Variants in COL22A1 observed in about 807,000 individuals in gnomAD.
COL22A1 encodes collagen type XXII alpha 1 chain, also known as collagen alpha-1(XXII) chain.
In COL22A1, 221 loss-of-function variants were observed where a neutral mutation model predicts 248.9. The ratio of observed to expected loss-of-function variants is 0.89; its 90% CI spans 0.80 to 0.99. The LOEUF is 0.99. Ranked by LOEUF, COL22A1 falls within the 50% of genes least tolerant of loss-of-function variation. COL22A1 has a pLI of 0.00. For synonymous variants in COL22A1, 891 were observed against 793.4 expected (o/e 1.12, Z -2.07); for missense variants, 2,240 against 2,179.0 (o/e 1.03, Z -0.56).
intron 44 of COL22A1, among the ~76,000 whole-genome samples, chr8:138,659,688 C>T (rs2130657051): frequency 6.6e-6 from 1 of 152,292 alleles, no homozygotes; most frequent in African/African-American, 2.4e-5. Flanking sequence ...GCTTCTCTGG[C>T]ATTGGAAACT....
At chr8:138,764,181 G>A (rs1833739164) in intron 16 of COL22A1, among the ~76,000 whole-genome samples, 1 of 152,190 alleles carries the variant, frequency 6.6e-6, no homozygotes, top group South Asian at 2.1e-4. Flanking sequence ...CGCTGTGGGT[G>A]CCTGCCCACC....
At chr8:138,685,353 C>T (rs1219956315) in intron 37 of COL22A1, 41 bp from the exon 38 acceptor site, 8 of 1,539,318 alleles carry the variant, frequency 5.2e-6, no homozygotes, top group Non-Finnish European at 7.2e-6. Flanking sequence ...CAATTACACT[C>T]AGCACGAAGC....
chr8:138,786,708 A>T (rs1815555987), intron 12 of COL22A1, among the ~76,000 whole-genome samples: 1 of 152,278 alleles, frequency 6.6e-6, no homozygotes, highest in Non-Finnish European at 1.5e-5. Flanking sequence ...GTTTGAGACC[A>T]TCTCGGCCAA....
intron 3 of COL22A1, among the ~76,000 whole-genome samples, chr8:138,872,265 A>G (rs995345284): frequency 6.6e-6 from 1 of 152,184 alleles, no homozygotes; most frequent in Non-Finnish European, 1.5e-5. Flanking sequence ...AACTATGAAC[A>G]CATCCACAAC....
At chr8:138,683,221 A>G (rs1826091368) in intron 39 of COL22A1, among the ~76,000 whole-genome samples, 1 of 152,194 alleles carries the variant, frequency 6.6e-6, no homozygotes, top group Non-Finnish European at 1.5e-5. Context: ...GTCATCCCAC[A>G]GCTCACCTTA....
chr8:138,588,813 C>A lies in COL22A1; in HGVS notation c.*440G>T. On this transcript the variant is annotated 3_prime_UTR_variant, in exon 65 of 65. Coordinates refer to ENST00000303045, the MANE Select transcript of COL22A1 (RefSeq NM_152888.3). ...AGAATGAAGCCCATTGGCTCATTTTCTTAAAGTTTTTCTTTTGAAGAAAGA... is the reference window on the plus strand; with the variant it reads ...AGAATGAAGCCCATTGGCTCATTTTATTAAAGTTTTTCTTTTGAAGAAAGA... 6.5e-6 allele frequency: 1 copy of A among 153,784 alleles called. No homozygotes were observed. The allele number at this position is 153,784 out of a possible 1,614,324, so 9.5% of individuals were successfully genotyped here. A position where few individuals can be genotyped will look rare whatever the true frequency, so the allele number is the denominator to read the frequency against.
chr8:138,890,201 AAAAAT>A (rs765618663), intron 1 of COL22A1, among the ~76,000 whole-genome samples: 1 of 152,190 alleles, frequency 6.6e-6, no homozygotes, highest in Non-Finnish European at 1.5e-5. Context: ...TCATGATAAA[AAAAAT>A]AAAATAAGAC....
At position 138,832,701 on chromosome 8, in the gene COL22A1, C is replaced by G. The variant is rs571332937; in HGVS notation, c.845+338G>C. Among the ~76,000 whole-genome samples, 11 of 152,292 alleles carry G rather than the reference C, an allele frequency of 7.2e-5. No homozygotes were observed. In the East Asian group the frequency reaches 2.1e-3, roughly 29 times the overall value. Reference sequence around the variant, plus strand: ...CCTGCCATGAATGCAGTGTCAGGTCCTTAGTAGGTGCTATGCACTACTAAA... The same window carrying G: ...CCTGCCATGAATGCAGTGTCAGGTCGTTAGTAGGTGCTATGCACTACTAAA... On this transcript the variant is annotated intron_variant, in intron 5 of 64. Coordinates refer to ENST00000303045, the MANE Select transcript of COL22A1 (RefSeq NM_152888.3).
intron 5 of COL22A1, chr8:138,828,238 G>C (rs894733045): frequency 3.9e-5 from 6 of 152,076 alleles, no homozygotes; most frequent in Non-Finnish European, 7.3e-5. Context: ...GGACCTGGTT[G>C]ATTTTCCTGG....
chr8:138,817,650 A>C (rs569147902), intron 7 of COL22A1, among the ~76,000 whole-genome samples: 1 of 152,308 alleles, frequency 6.6e-6, no homozygotes, highest in South Asian at 2.1e-4. Flanking sequence ...ATATAATACA[A>C]ATGGGTACCT....
Position 138,724,615 on chromosome 8 carries a change from C to G in COL22A1, c.2247G>C (p.Thr749=). Residue 749 remains threonine, a splice_region_variant and synonymous_variant, in exon 25 of 65, where the codon ACG becomes ACC. Coordinates refer to ENST00000303045, the MANE Select transcript of COL22A1 (RefSeq NM_152888.3). ...FPGKPGPPGP[T]GPPGKDGPNG... is the part of the protein sequence containing the mutation. The stretch of plus-strand genomic sequence containing the variant: ...CAGGAAGATGTTTCCGAACACTCAC[C>G]GTGGGCCCAGGAGGTCCAGGCTTTC... The G allele has an allele frequency of 6.2e-7, 1 of 1,614,048 alleles. No individual in the cohort carries two copies. The highest frequency in any genetic ancestry group is 8.5e-7 in the Non-Finnish European group (1 of 1,179,946).
chr8:138,596,475 G>A (rs61496269), intron 62 of COL22A1, among the ~76,000 whole-genome samples: 1 of 152,272 alleles, frequency 6.6e-6, no homozygotes, highest in East Asian at 1.9e-4. Flanking sequence ...AATGCCTGCT[G>A]TGACAAATAA....
At chr8:138,716,086 C>A in intron 29 of COL22A1, 141 bp downstream of exon 29, 1 of 678,122 alleles carries the variant, frequency 1.5e-6, no homozygotes, top group East Asian at 2.7e-5. Flanking sequence ...CCTTCCCCGT[C>A]CCTTCCATCA....
At chr8:138,791,163 G>A (rs1289698238) in intron 12 of COL22A1, among the ~76,000 whole-genome samples, 1 of 152,238 alleles carries the variant, frequency 6.6e-6, no homozygotes. Context: ...AATGCCCATA[G>A]AAATGCCTTG....
chr8:138,700,264 C>A, intron 31 of COL22A1, 120 bp from the exon 32 acceptor site: 1 of 872,436 alleles, frequency 1.1e-6, no homozygotes. Flanking sequence ...CTTCCTGGAA[C>A]GATTATTAGT....
chr8:138,833,519 A>G (rs1820208323), intron 4 of COL22A1, among the ~76,000 whole-genome samples: 1 of 152,234 alleles, frequency 6.6e-6, no homozygotes, highest in Admixed American at 6.5e-5. Flanking sequence ...CTGGCTCTGC[A>G]GGCGAACGGC....
In COL22A1 at chr8:138,692,248, G is replaced by A. The variant is rs1235155630; in HGVS notation, c.2755-1374C>T. Among the ~76,000 whole-genome samples the A allele has an allele frequency of 2.6e-4, 14 of 53,038 alleles. No homozygotes were observed. In the East Asian group the frequency reaches 3.5e-3, roughly 13 times the overall value. The allele number at this position is 53,038 out of a possible 152,430, so 34.8% of individuals were successfully genotyped here. A position where few individuals can be genotyped will look rare whatever the true frequency, so the allele number is the denominator to read the frequency against. On this transcript the variant is annotated intron_variant, in intron 35 of 64. Coordinates refer to ENST00000303045, the MANE Select transcript of COL22A1 (RefSeq NM_152888.3). The stretch of plus-strand genomic sequence containing the variant: ...CACGTGCATGTGCATGTTTGTGGAC[G>A]TATGTGTGCGTGTGTGCATGTTTGT...
chr8:138,854,814 ATGG>A (rs1586895667), intron 3 of COL22A1, among the ~76,000 whole-genome samples: 1 of 151,850 alleles, frequency 6.6e-6, no homozygotes, highest in East Asian at 1.9e-4. Context: ...GGTGATGATG[ATGG>A]TGATGATGGT....
At chr8:138,733,600 C>A (rs886330758) in intron 23 of COL22A1, among the ~76,000 whole-genome samples, 3 of 152,248 alleles carry the variant, frequency 2.0e-5, no homozygotes, top group Non-Finnish European at 1.5e-5. Flanking sequence ...CTTCTCCCCA[C>A]TGCTCTTTCA....
Sources: gnomAD v4.1 joint callset for allele counts (sites outside exome capture counted in the v4.1 genomes callset) on GRCh38, gnomAD v4.1.1 for gene constraint, MANE v1.5 for transcripts, NCBI Gene and HGNC (gene_info 2026-07-23, HGNC 2026-07-21) for gene names.